Variants in SLAMF6 observed in about 807,000 individuals in gnomAD.
SLAMF6 encodes SLAM family member 6.
In SLAMF6, 21 loss-of-function variants were observed where a neutral mutation model predicts 38.3. The observed-to-expected ratio is 0.55, with a 90% CI of 0.39 to 0.79. The LOEUF is 0.79. SLAMF6 is among the 30% of genes least tolerant of loss of function. The pLI, the probability that SLAMF6 is intolerant of heterozygous loss-of-function variation, is 0.00. For missense variants in SLAMF6, 341 were observed against 385.3 expected (o/e 0.89, Z 0.96); for synonymous variants, 152 against 146.3 (o/e 1.04, Z -0.28).
intron 1 of SLAMF6, among the ~76,000 whole-genome samples, chr1:160,499,980 A>G (rs894105636): frequency 6.6e-6 from 1 of 152,258 alleles, no homozygotes; most frequent in Non-Finnish European, 1.5e-5. Flanking sequence ...GATACCAGAG[A>G]ATACAAATAT....
chr1:160,504,457 C>A (rs1235338714), intron 1 of SLAMF6, among the ~76,000 whole-genome samples: 1 of 152,138 alleles, frequency 6.6e-6, no homozygotes, highest in Non-Finnish European at 1.5e-5. Flanking sequence ...TCTTTTTTCT[C>A]CAACTTGATA....
Position 160,486,630 on chromosome 1 carries a change from A to G in SLAMF6, c.*77T>C. ...CTGTTGCCAGGAACAACAGGAACCA[A>G]GCTTCCTGTTCTTTGTTCTGTCTCA... On this transcript the variant is annotated 3_prime_UTR_variant, in exon 8 of 8. Coordinates refer to ENST00000368057, the MANE Select transcript of SLAMF6 (RefSeq NM_001184714.2). The G allele has an allele frequency of 7.0e-7, 1 of 1,421,296 alleles. No individual in the cohort carries two copies. Among genetic ancestry groups the G allele is most frequent in the Non-Finnish European group, 9.9e-7 (1 of 1,007,648 alleles). The allele number at this position is 1,421,296 out of a possible 1,614,324, so 88.0% of individuals were successfully genotyped here.
chr1:160,504,210 G>T (rs1654062868), intron 1 of SLAMF6, among the ~76,000 whole-genome samples: 1 of 151,898 alleles, frequency 6.6e-6, no homozygotes, highest in Non-Finnish European at 1.5e-5. Context: ...CAACATGAAG[G>T]CTATACTTAT....
intron 4 of SLAMF6, 93 bp from the exon 5 acceptor site, chr1:160,490,329 GGA>G: frequency 6.3e-7 from 1 of 1,583,468 alleles, no homozygotes. Context: ...TGGTGGGAGG[GGA>G]CCCAAAAGGA....
chr1:160,505,912 G>A (rs1654162425), intron 1 of SLAMF6, among the ~76,000 whole-genome samples: 1 of 152,134 alleles, frequency 6.6e-6, no homozygotes, highest in Non-Finnish European at 1.5e-5. Context: ...TGTGTAGGCA[G>A]AAGTAAGAAA....
intron 1 of SLAMF6, among the ~76,000 whole-genome samples, chr1:160,503,180 A>T (rs1330270471): frequency 6.6e-6 from 1 of 152,154 alleles, no homozygotes. Context: ...TATTTCGCTT[A>T]TGTTTTTCTC....
chr1:160,511,306 T>C (rs924383600), intron 1 of SLAMF6, among the ~76,000 whole-genome samples: 19 of 152,304 alleles, frequency 1.2e-4, no homozygotes, highest in African/African-American at 4.3e-4. Flanking sequence ...ACTCACACTT[T>C]CCAATTTCAA....
rs145791068 is a variant in SLAMF6 at position 160,505,231 on chromosome 1, G to A, written c.50-8838C>T. On this transcript the variant is annotated intron_variant, in intron 1 of 7. Coordinates refer to ENST00000368057, the MANE Select transcript of SLAMF6 (RefSeq NM_001184714.2). Reference sequence around the variant, plus strand: ...GAACAAAACAAAATACTGAGGAAGGGGAAGAGTCTGATTTCCAGAGTTATC... The same window carrying A: ...GAACAAAACAAAATACTGAGGAAGGAGAAGAGTCTGATTTCCAGAGTTATC... Among the ~76,000 whole-genome samples the A allele has an allele frequency of 2.5e-3, 388 of 152,178 alleles. 2 individuals carry two copies. Among genetic ancestry groups the A allele is most frequent in the African/African-American group, 8.8e-3 (364 of 41,524 alleles).
intron 5 of SLAMF6, 33 bp downstream of exon 5, chr1:160,490,165 T>C: frequency 6.2e-7 from 1 of 1,610,272 alleles, no homozygotes; most frequent in South Asian, 1.1e-5. Flanking sequence ...CCCATCTGCT[T>C]TATGATGGAG....
intron 1 of SLAMF6, among the ~76,000 whole-genome samples, chr1:160,518,908 A>G (rs891509866): frequency 6.6e-5 from 10 of 152,182 alleles, no homozygotes; most frequent in African/African-American, 2.2e-4. Flanking sequence ...CTGCACGTGT[A>G]TCCTGGAACT....
At chr1:160,518,175 T>A (rs1210979383) in intron 1 of SLAMF6, among the ~76,000 whole-genome samples, 1 of 151,510 alleles carries the variant, frequency 6.6e-6, no homozygotes, top group Non-Finnish European at 1.5e-5. Flanking sequence ...TCACTGGTCA[T>A]TAGAGAAATG....
chr1:160,515,797 T>C (rs1214701728), intron 1 of SLAMF6, among the ~76,000 whole-genome samples: 1 of 152,186 alleles, frequency 6.6e-6, no homozygotes, highest in African/African-American at 2.4e-5. Flanking sequence ...TTCTATAAAA[T>C]TCAACATCCC....
Position 160,486,911 on chromosome 1 carries a change from A to T in SLAMF6, c.952-157T>A, listed in dbSNP as rs971305965. The T allele has an allele frequency of 1.1e-5, 5 of 468,528 alleles. No individual in the cohort carries two copies. The African/African-American group carries it at 1.1e-4, about 10-fold the overall frequency. 29.0% of individuals were successfully genotyped at this position (468,528 alleles called of 1,614,324 possible). A position where few individuals can be genotyped will look rare whatever the true frequency, so the allele number is the denominator to read the frequency against. On this transcript the variant is annotated intron_variant, in intron 7 of 7. Transcript: ENST00000368057. The stretch of plus-strand genomic sequence containing the variant: ...TTAAATTTAAAAACATGTAATTGAA[A>T]ACTCAGTTATGCATGGTGATCCTAA...
At chr1:160,502,529 A>G (rs1653961744) in intron 1 of SLAMF6, among the ~76,000 whole-genome samples, 1 of 152,170 alleles carries the variant, frequency 6.6e-6, no homozygotes, top group Admixed American at 6.5e-5. Flanking sequence ...CAGGGAACTC[A>G]GTGAATGTTA....
chr1:160,493,120 G>A (rs924765675), intron 2 of SLAMF6, among the ~76,000 whole-genome samples: 14 of 152,080 alleles, frequency 9.2e-5, no homozygotes, highest in African/African-American at 3.4e-4. Context: ...CTTTGTGATG[G>A]CTCTCAGTCC....
In SLAMF6 at chr1:160,486,727, C is replaced by A; in HGVS notation, c.979G>T (p.Ala327Ser). 2 of 1,613,814 alleles carry A rather than the reference C, an allele frequency of 1.2e-6. No individual in the cohort carries two copies. Among genetic ancestry groups the A allele is most frequent in the Non-Finnish European group, 1.7e-6 (2 of 1,179,844 alleles). The change falls in exon 8 of 8, where the codon GCC becomes TCC. Residue 327 changes from alanine (A) to serine (S), a missense_variant. Transcript: ENST00000368057. ...GCAACTTACACGACATTGTCAAGGG[C>A]AGTTGCCCTGGAAAAAGTGGGTTTA... is the stretch of plus-strand genomic sequence containing the variant. ...ESKPTFSRATALDNVV is the reference protein window; with the variant it reads ...ESKPTFSRATSLDNVV
At position 160,485,765 on chromosome 1, in the gene SLAMF6, G is replaced by T; in HGVS notation, c.*942C>A. On this transcript the variant is annotated 3_prime_UTR_variant, in exon 8 of 8. Transcript: ENST00000368057. ...GGACAACTGTTCTGATCTTAAGGTA[G>T]GATTCAGGTTAGAGGTGGTGATGGT... is the stretch of plus-strand genomic sequence containing the variant. The T allele has an allele frequency of 6.5e-6, 1 of 152,858 alleles. No homozygotes were observed. The allele number at this position is 152,858 out of a possible 1,614,324, so 9.5% of individuals were successfully genotyped here.
At chr1:160,509,704 G>C (rs1014569045) in intron 1 of SLAMF6, among the ~76,000 whole-genome samples, 2 of 151,668 alleles carry the variant, frequency 1.3e-5, no homozygotes, top group Non-Finnish European at 2.9e-5. Flanking sequence ...AGACAAAGAA[G>C]AGCAAACTAA....
intron 1 of SLAMF6, among the ~76,000 whole-genome samples, chr1:160,501,649 A>G (rs1312131517): frequency 6.6e-6 from 1 of 151,298 alleles, no homozygotes; most frequent in Non-Finnish European, 1.5e-5. Context: ...AATAAAAGCT[A>G]TGAGTTCTCC....
Sources: allele counts gnomAD v4.1 joint callset (sites outside exome capture counted in the v4.1 genomes callset), GRCh38; gene constraint gnomAD v4.1.1; transcripts MANE v1.5; gene names NCBI Gene and HGNC (gene_info 2026-07-23, HGNC 2026-07-21).